Variants in GABRB2 observed in about 807,000 individuals in gnomAD.
The protein encoded by GABRB2 is gamma-aminobutyric acid receptor subunit beta-2.
In GABRB2, 16 loss-of-function variants were observed where a neutral mutation model predicts 54.7. The observed-to-expected ratio is 0.29, with a 90% CI of 0.20 to 0.44. GABRB2 has a LOEUF of 0.44. Among genes scored for constraint, GABRB2 ranks in the 20% least tolerant of loss-of-function variants. The pLI is 1.00. For synonymous variants in GABRB2, 244 were observed against 233.8 expected, an observed-to-expected ratio of 1.04 and a Z score of -0.40; for missense variants, 355 against 644.0, an observed-to-expected ratio of 0.55 and a Z score of 4.86.
In GABRB2 at chr5:161,322,332, C is replaced by G. The variant is rs529981939; in HGVS notation, c.1191+4036G>C. On this transcript the variant is annotated intron_variant, in intron 9 of 9. Coordinates refer to ENST00000393959, the MANE Select transcript of GABRB2 (RefSeq NM_001371727.1). ...CGCGCTGCAACCTCCACCTTCGAGG[C>G]TCAAACAATTCTCCTGCCTCTGCCT... 7.9e-5 allele frequency among the ~76,000 whole-genome samples: 12 copies of G among 152,198 alleles called. No individual in the cohort carries two copies. In the South Asian group the frequency reaches 1.9e-3, roughly 24 times the overall value.
intron 4 of GABRB2, among the ~76,000 whole-genome samples, chr5:161,421,269 C>T (rs557519882): frequency 1.8e-4 from 27 of 152,288 alleles, no homozygotes; most frequent in Middle Eastern, 3.4e-3. Context: ...AGACGGCAAA[C>T]TGTGCTACAT....
intron 5 of GABRB2, among the ~76,000 whole-genome samples, chr5:161,345,253 C>T (rs1029571879): frequency 6.6e-5 from 10 of 151,508 alleles, no homozygotes; most frequent in African/African-American, 9.7e-5. Context: ...TATCTTATAG[C>T]GCAATAAAAA....
intron 3 of GABRB2, among the ~76,000 whole-genome samples, chr5:161,481,117 G>T (rs929811894): frequency 2.6e-5 from 4 of 151,974 alleles, no homozygotes; most frequent in Non-Finnish European, 1.5e-5. Context: ...CAAGTGCCTT[G>T]CCAAGTGTGA....
At chr5:161,354,319 G>A (rs1561619473) in intron 5 of GABRB2, among the ~76,000 whole-genome samples, 1 of 151,960 alleles carries the variant, frequency 6.6e-6, no homozygotes, top group Non-Finnish European at 1.5e-5. Context: ...AATCAAGAAT[G>A]TCCTATTTAT....
At chr5:161,320,662 A>G (rs1199082082) in intron 9 of GABRB2, among the ~76,000 whole-genome samples, 3 of 151,802 alleles carry the variant, frequency 2.0e-5, no homozygotes, top group Non-Finnish European at 4.4e-5. Flanking sequence ...GTTTTTTCCC[A>G]TGACTTTATT....
At chr5:161,481,770 T>G (rs909728603) in intron 3 of GABRB2, among the ~76,000 whole-genome samples, 13 of 151,774 alleles carry the variant, frequency 8.6e-5, no homozygotes, top group Admixed American at 4.6e-4. Flanking sequence ...GAAGGCAGAG[T>G]GGTTAATGTG....
chr5:161,300,043 C>A (rs1484144001), intron 9 of GABRB2, among the ~76,000 whole-genome samples: 2 of 152,134 alleles, frequency 1.3e-5, no homozygotes, highest in African/African-American at 4.8e-5. Flanking sequence ...ATTTCCCTTT[C>A]TTTTCCTTGT....
At chr5:161,447,227 A>C (rs1757660053) in intron 4 of GABRB2, among the ~76,000 whole-genome samples, 1 of 152,168 alleles carries the variant, frequency 6.6e-6, no homozygotes. Context: ...AAGGTATTGA[A>C]GCAAGGCAGT....
chr5:161,322,310 G>A (rs12523621), intron 9 of GABRB2, among the ~76,000 whole-genome samples: 12,131 of 152,038 alleles, frequency 0.08, 754 homozygotes, highest in Admixed American at 0.17. Context: ...ATCTTGGCGC[G>A]CTGCAACCTC....
intron 5 of GABRB2, among the ~76,000 whole-genome samples, chr5:161,410,237 C>T (rs1756467059): frequency 6.6e-6 from 1 of 152,146 alleles, no homozygotes; most frequent in Admixed American, 6.6e-5. Context: ...CAAACCACCT[C>T]CCTATGTGAC....
chr5:161,299,980 C>A (rs1433309114), intron 9 of GABRB2, among the ~76,000 whole-genome samples: 4 of 152,128 alleles, frequency 2.6e-5, no homozygotes, highest in Non-Finnish European at 5.9e-5. Flanking sequence ...AGGCTAGGAC[C>A]TAAAGAACAT....
At chr5:161,340,725 T>A (rs1201332788) in intron 5 of GABRB2, among the ~76,000 whole-genome samples, 1 of 151,916 alleles carries the variant, frequency 6.6e-6, no homozygotes, top group Non-Finnish European at 1.5e-5. Flanking sequence ...ATAACAAATA[T>A]TTCAGTTGAT....
At chr5:161,536,362 A>G (rs1361956317) in intron 3 of GABRB2, among the ~76,000 whole-genome samples, 1 of 152,100 alleles carries the variant, frequency 6.6e-6, no homozygotes, top group East Asian at 1.9e-4. Flanking sequence ...TGTGGGCATA[A>G]TTTGTTTGGA....
At chr5:161,350,788 A>G (rs368727259) in intron 5 of GABRB2, among the ~76,000 whole-genome samples, 5 of 152,194 alleles carry the variant, frequency 3.3e-5, no homozygotes, top group African/African-American at 1.2e-4. Context: ...TCTGGTCTCC[A>G]TCTTTCTCCC....
chr5:161,459,898 G>T, intron 3 of GABRB2, 54 bp from the exon 4 acceptor site: 10 of 1,011,542 alleles, frequency 9.9e-6, no homozygotes, highest in Non-Finnish European at 1.5e-5. Flanking sequence ...CAGATCTGGG[G>T]GATAAGCAAA....
At chr5:161,305,203 A>G (rs1441319276) in intron 9 of GABRB2, among the ~76,000 whole-genome samples, 1 of 151,046 alleles carries the variant, frequency 6.6e-6, no homozygotes, top group African/African-American at 2.4e-5. Context: ...TTTTTAGTAG[A>G]GACGGGGTTT....
At chr5:161,538,007 T>C (rs1296975553) in intron 3 of GABRB2, among the ~76,000 whole-genome samples, 1 of 151,976 alleles carries the variant, frequency 6.6e-6, no homozygotes, top group African/African-American at 2.4e-5. Flanking sequence ...TTCCATGTAA[T>C]ATATTAGTAT....
intron 4 of GABRB2, among the ~76,000 whole-genome samples, chr5:161,453,936 G>T (rs935890585): frequency 5.9e-5 from 9 of 151,732 alleles, no homozygotes; most frequent in Admixed American, 1.3e-4. Context: ...TACTCGGGAG[G>T]CTGGGGCAGG....
intron 5 of GABRB2, among the ~76,000 whole-genome samples, chr5:161,338,612 C>A (rs927024099): frequency 2.0e-5 from 3 of 151,894 alleles, no homozygotes; most frequent in Non-Finnish European, 4.4e-5. Flanking sequence ...CATAGTAAGA[C>A]CTTGTCTCTA....
Sources: allele counts gnomAD v4.1 joint callset (sites outside exome capture counted in the v4.1 genomes callset), GRCh38; gene constraint gnomAD v4.1.1; transcripts MANE v1.5; gene names NCBI Gene and HGNC (gene_info 2026-07-23, HGNC 2026-07-21).